RRM1: variants seen among roughly 807,000 people sequenced by gnomAD.
RRM1 encodes the protein ribonucleoside-diphosphate reductase large subunit.
A neutral mutation model predicts 101.5 loss-of-function variants in RRM1; 19 were observed. The ratio of observed to expected loss-of-function variants is 0.19; its 90% CI spans 0.13 to 0.27. The LOEUF (loss-of-function observed/expected upper bound fraction) is 0.27, where lower values mean the gene tolerates loss of function less well. Among genes scored for constraint, RRM1 ranks in the 10% least tolerant of loss-of-function variants. The pLI is 1.00. For synonymous variants in RRM1, 298 were observed against 323.4 expected (o/e 0.92, Z 0.84); for missense variants, 500 against 962.9 (o/e 0.52, Z 6.36).
chr11:4,119,610 C>A, intron 8 of RRM1: 1 of 448,142 alleles, frequency 2.2e-6, no homozygotes, highest in East Asian at 4.4e-5. Context: ...ATTGTTACAT[C>A]TCATTATAAA....
intron 2 of RRM1, among the ~76,000 whole-genome samples, chr11:4,103,132 A>C (rs1293178137): frequency 9.2e-5 from 14 of 152,224 alleles, no homozygotes; most frequent in Non-Finnish European, 2.1e-4. Context: ...ATAGTATGGA[A>C]ATTAATTATG....
chr11:4,122,264 G>T (rs753848075), intron 11 of RRM1, 44 bp downstream of exon 11: 3 of 1,385,610 alleles, frequency 2.2e-6, no homozygotes, highest in Non-Finnish European at 3.1e-6. Flanking sequence ...TTTAATCATG[G>T]TTTCTCTTAT....
intron 7 of RRM1, among the ~76,000 whole-genome samples, chr11:4,115,568 T>G (rs2094571750): frequency 6.6e-6 from 1 of 152,040 alleles, no homozygotes; most frequent in African/African-American, 2.4e-5. Flanking sequence ...ACTTACCTTT[T>G]TTTTTGAGAT....
chr11:4,138,325 C>T lies in RRM1; in HGVS notation c.2321C>T (p.Thr774Ile). The T allele has an allele frequency of 6.2e-7, 1 of 1,612,808 alleles. No homozygotes were observed. The highest frequency in any genetic ancestry group is 8.5e-7 in the Non-Finnish European group (1 of 1,179,424). The change falls in exon 19 of 19, where the codon ACA (threonine) becomes ATA (isoleucine). Residue 774 changes from threonine to isoleucine, a missense_variant. Transcript: ENST00000300738. ...SKEEEEKERN[T>I]AAMVCSLENR... ...GAGGAAGAAGAGAAGGAGAGGAACACAGCAGCCATGGTGTGCTCTTTGGAG... is the reference window on the plus strand; with the variant it reads ...GAGGAAGAAGAGAAGGAGAGGAACATAGCAGCCATGGTGTGCTCTTTGGAG...
Position 4,094,820 on chromosome 11 carries a change from C to A in RRM1, c.-193C>A, listed in dbSNP as rs1319546984. The A allele has an allele frequency of 1.6e-6, 1 of 613,568 alleles. No individual in the cohort carries two copies. The highest frequency in any genetic ancestry group is 2.9e-6 in the Non-Finnish European group (1 of 343,320). The allele number at this position is 613,568 out of a possible 1,614,324, so 38.0% of individuals were successfully genotyped here. On this transcript the variant is annotated 5_prime_UTR_variant, in exon 1 of 19. Coordinates refer to ENST00000300738, the MANE Select transcript of RRM1 (RefSeq NM_001033.5). ...GCGCCCCTTTGTGCGTCACGGGTGGCGGGCGCGGGAAGGGGATTTGGATTG... is the reference window on the plus strand; with the variant it reads ...GCGCCCCTTTGTGCGTCACGGGTGGAGGGCGCGGGAAGGGGATTTGGATTG...
intron 12 of RRM1, among the ~76,000 whole-genome samples, chr11:4,124,920 A>AT (rs561272177): frequency 0.11 from 9,462 of 83,600 alleles, 406 homozygotes; most frequent in African/African-American, 0.15. Flanking sequence ...TATTTATTTT[A>AT]TTTTTTTTTT....
At chr11:4,105,826 A>C (rs1158146559) in intron 2 of RRM1, 3 of 508,198 alleles carry the variant, frequency 5.9e-6, no homozygotes, top group Non-Finnish European at 1.1e-5. Context: ...TGGCTTCCCA[A>C]AGTGCTGTGA....
chr11:4,104,658 T>G (rs1480807558), intron 2 of RRM1, among the ~76,000 whole-genome samples: 1 of 152,096 alleles, frequency 6.6e-6, no homozygotes, highest in Non-Finnish European at 1.5e-5. Flanking sequence ...AAAATAGGTA[T>G]AGTAATAATC....
At chr11:4,108,511 T>C (rs774501664) in intron 4 of RRM1, among the ~76,000 whole-genome samples, 15 of 140,428 alleles carry the variant, frequency 1.1e-4, no homozygotes, top group Middle Eastern at 3.8e-3. Flanking sequence ...GGCTAGAGAA[T>C]GGCGTGAACC....
chr11:4,097,928 G>A (rs2094545847), intron 1 of RRM1, among the ~76,000 whole-genome samples: 1 of 152,168 alleles, frequency 6.6e-6, no homozygotes, highest in Non-Finnish European at 1.5e-5. Context: ...AAAATTATTA[G>A]ATAGAAGAGA....
chr11:4,096,286 C>T (rs2094543455), intron 1 of RRM1, among the ~76,000 whole-genome samples: 2 of 152,192 alleles, frequency 1.3e-5, no homozygotes, highest in South Asian at 4.1e-4. Context: ...TCCTTGGCTT[C>T]CCAAAGTGCT....
rs539778331 is a variant in RRM1, at chr11:4,137,308, G to T, written c.2191-887G>T. Reference sequence around the variant, plus strand: ...GGCACACCTCCCAGACGGGGTGGTGGCCAGGCAGAGGTGCTCCTCACATCC... The same window carrying T: ...GGCACACCTCCCAGACGGGGTGGTGTCCAGGCAGAGGTGCTCCTCACATCC... On this transcript the variant is annotated intron_variant, in intron 18 of 18. Transcript: ENST00000300738. 1.7e-3 allele frequency: 350 copies of T among 209,488 alleles called. 2 individuals carry two copies. The highest frequency in any genetic ancestry group is 6.1e-3 in the Middle Eastern group (3 of 492). The allele number at this position is 209,488 out of a possible 1,614,324, so 13.0% of individuals were successfully genotyped here.
chr11:4,130,066 T>TTATATATATATATATATATATATA (rs746526097), intron 15 of RRM1, among the ~76,000 whole-genome samples: 5 of 32,986 alleles, frequency 1.5e-4, no homozygotes, highest in East Asian at 9.7e-4. Context: ...TGTACTGTAT[T>TTATATATATATATATATATATATA]TATATATATA....
chr11:4,095,290 C>G (rs912923974), intron 1 of RRM1, among the ~76,000 whole-genome samples: 6 of 152,242 alleles, frequency 3.9e-5, no homozygotes, highest in Non-Finnish European at 7.3e-5. Context: ...TACCCCGTAT[C>G]GAGTAGTGAC....
rs1194255189 is a variant in RRM1, at chr11:4,132,366, T to C, written c.1850T>C (p.Ile617Thr). Reference protein sequence around the residue: ...TAQILGNNESIEPYTSNIYTR... With the variant: ...TAQILGNNESTEPYTSNIYTR... ...CAGATCCTGGGGAATAATGAGTCCATTGAACCTTACACCAGCAACATCTAT... is the reference window on the plus strand; with the variant it reads ...CAGATCCTGGGGAATAATGAGTCCACTGAACCTTACACCAGCAACATCTAT... The change falls in exon 16 of 19, where the codon ATT becomes ACT. Residue 617 changes from isoleucine (I) to threonine (T), a missense_variant. This residue lies in a region of RRM1 where 79 missense variants were observed against 176.4 expected (regional missense o/e 0.45). Transcript: ENST00000300738. This position sits in a 1 kb window ranked among gnomAD's most constrained non-coding sequence, Gnocchi z 4.1. 5 of 1,614,160 alleles carry C rather than the reference T, an allele frequency of 3.1e-6. No homozygotes were observed. The highest frequency in any genetic ancestry group is 1.1e-5 in the South Asian group (1 of 91,092).
chr11:4,101,166 T>C (rs1384478865), intron 1 of RRM1, among the ~76,000 whole-genome samples: 3 of 152,028 alleles, frequency 2.0e-5, no homozygotes, highest in African/African-American at 7.2e-5. Context: ...GAAAGCCACA[T>C]TGAGAAGGTG....
rs546752590 is a variant in RRM1 at position 4,108,587 on chromosome 11, G to T, written c.387+1052G>T. 4.2e-3 allele frequency among the ~76,000 whole-genome samples: 447 copies of T among 105,540 alleles called. 1 individual carries two copies. Among genetic ancestry groups the T allele is most frequent in the African/African-American group, 0.015 (422 of 28,066 alleles). The allele number at this position is 105,540 out of a possible 152,430, so 69.2% of individuals were successfully genotyped here. The stretch of plus-strand genomic sequence containing the variant: ...CACTCCAGCCTGGGCAACAGAGTGA[G>T]ACTCAGTCTCAAAAAAAAAAAAAAA... On this transcript the variant is annotated intron_variant, in intron 4 of 18. Transcript: ENST00000300738.
Position 4,127,245 on chromosome 11 carries a change from G to T in RRM1, c.1681G>T (p.Val561Phe). ...ATACGAAACCTATGAGGGCTCTCCA[G>T]TTAGCAAAGGAGTAAGTATATGGAT... is the stretch of plus-strand genomic sequence containing the variant. ...GPYETYEGSPVSKGILQYDMW... is the reference protein window; with the variant it reads ...GPYETYEGSPFSKGILQYDMW... Residue 561 changes from valine to phenylalanine, a missense_variant, in exon 14 of 19, where the codon GTT (valine) becomes TTT (phenylalanine). This residue lies in a region of RRM1 where 106 missense variants were observed against 138.1 expected (regional missense o/e 0.77). Coordinates refer to ENST00000300738, the MANE Select transcript of RRM1 (RefSeq NM_001033.5). 1 of 1,586,998 alleles carries T rather than the reference G, an allele frequency of 6.3e-7. No homozygotes were observed. The highest frequency in any genetic ancestry group is 8.5e-7 in the Non-Finnish European group (1 of 1,170,306).
intron 4 of RRM1, among the ~76,000 whole-genome samples, chr11:4,108,597 C>CAAAA (rs754848612): frequency 0.5 from 36,051 of 72,514 alleles, 9,207 homozygotes; most frequent in Non-Finnish European, 0.6. Flanking sequence ...GACTCAGTCT[C>CAAAA]AAAAAAAAAA....
Sources: allele counts gnomAD v4.1 joint callset (sites outside exome capture counted in the v4.1 genomes callset), GRCh38; gene constraint gnomAD v4.1.1; regional missense constraint gnomAD v4.1.1; non-coding constraint Gnocchi (gnomAD v3.1); transcripts MANE v1.5; gene names NCBI Gene and HGNC (gene_info 2026-07-23, HGNC 2026-07-21).